The following PIK3AP1 variants were observed in gnomAD, a reference collection of about 807,000 sequenced individuals.
PIK3AP1 encodes phosphoinositide-3-kinase adaptor protein 1, also known as phosphoinositide 3-kinase adapter protein 1.
PIK3AP1 carries 21 observed loss-of-function variants against 88.1 expected under a neutral mutation model. The observed-to-expected ratio is 0.24, with a 90% CI of 0.17 to 0.34. The LOEUF (loss-of-function observed/expected upper bound fraction) is 0.34. Ranked by LOEUF, PIK3AP1 falls within the 10% of genes least tolerant of loss-of-function variation. PIK3AP1 has a pLI of 1.00. For missense variants in PIK3AP1, 828 were observed against 1,035.7 expected, an observed-to-expected ratio of 0.80 and a Z score of 2.75; for synonymous variants, 398 against 400.0, an observed-to-expected ratio of 1.00 and a Z score of 0.06.
intron 14 of PIK3AP1, among the ~76,000 whole-genome samples, chr10:96,607,522 A>T (rs762972279): frequency 6.6e-6 from 1 of 151,996 alleles, no homozygotes; most frequent in Non-Finnish European, 1.5e-5. Flanking sequence ...CCCGCCCAGG[A>T]TCCACACCTT....
chr10:96,705,888 T>TG (rs1564990275), intron 2 of PIK3AP1, among the ~76,000 whole-genome samples: 15 of 125,052 alleles, frequency 1.2e-4, no homozygotes, highest in African/African-American at 4.8e-4. Flanking sequence ...CCAGTTGTTT[T>TG]TTTTTTTTTT....
At chr10:96,712,901 T>C (rs1292350612) in intron 1 of PIK3AP1, among the ~76,000 whole-genome samples, 1 of 152,230 alleles carries the variant, frequency 6.6e-6, no homozygotes, top group African/African-American at 2.4e-5. Flanking sequence ...GTCAACAATT[T>C]GTGCAATAAG....
intron 1 of PIK3AP1, among the ~76,000 whole-genome samples, chr10:96,718,688 A>G (rs987736236): frequency 6.6e-6 from 1 of 152,270 alleles, no homozygotes; most frequent in African/African-American, 2.4e-5. Context: ...AGAGGTACAC[A>G]GGACGCTGGA....
chr10:96,651,738 A>G (rs1222239117), intron 4 of PIK3AP1, 87 bp from the exon 5 acceptor site: 2 of 1,441,774 alleles, frequency 1.4e-6, no homozygotes, highest in East Asian at 2.4e-5. Context: ...ACTCCATCTG[A>G]GTGGTGAGGA....
chr10:96,649,295 C>T lies in PIK3AP1; in HGVS notation c.989-440G>A, dbSNP rs544099016. ...CTGACCTCAAGTGATCCACCTGCCT[C>T]GGCCTCCCAAAGTGCTGGGATTACA... On this transcript the variant is annotated intron_variant, in intron 6 of 16. Coordinates refer to ENST00000339364, the MANE Select transcript of PIK3AP1 (RefSeq NM_152309.3). 1.1e-3 allele frequency among the ~76,000 whole-genome samples: 175 copies of T among 152,246 alleles called. 3 individuals carry two copies. The highest frequency in any genetic ancestry group is 7.9e-3 in the South Asian group (38 of 4,826).
At chr10:96,637,583 C>G (rs1455340115) in intron 8 of PIK3AP1, among the ~76,000 whole-genome samples, 1 of 152,082 alleles carries the variant, frequency 6.6e-6, no homozygotes, top group East Asian at 1.9e-4. Context: ...CTACTATACT[C>G]AAGCGATCTG....
intron 3 of PIK3AP1, among the ~76,000 whole-genome samples, chr10:96,653,881 A>G (rs1843578491): frequency 6.6e-6 from 1 of 152,266 alleles, no homozygotes; most frequent in African/African-American, 2.4e-5. Context: ...ACATCTTTTT[A>G]GAAGTCCTTC....
rs184832941 is a variant in PIK3AP1, at chr10:96,649,743, G to C, written c.989-888C>G. On this transcript the variant is annotated intron_variant, in intron 6 of 16. Transcript: ENST00000339364. ...TATTCAGCAGGGTTCCTATTTAGGA[G>C]AGATTTTGAATGTTGGTCTTAATGC... Among the ~76,000 whole-genome samples the C allele has an allele frequency of 4.7e-3, 710 of 152,320 alleles. 4 individuals are homozygous for C. Among genetic ancestry groups the C allele is most frequent in the Non-Finnish European group, 6.9e-3 (467 of 68,030 alleles).
At chr10:96,659,700 C>CAAAAAAAAAA (rs1198781319) in intron 2 of PIK3AP1, among the ~76,000 whole-genome samples, 2 of 100,952 alleles carry the variant, frequency 2.0e-5, no homozygotes, top group African/African-American at 7.4e-5. Context: ...CTGTCTCTAC[C>CAAAAAAAAAA]AAAAAAAAAA....
chr10:96,601,473 C>CAAAAAAAAAAAAAAAAAAAAA (rs11407501), intron 16 of PIK3AP1, among the ~76,000 whole-genome samples: 1 of 75,480 alleles, frequency 1.3e-5, no homozygotes. Flanking sequence ...GAATCTATCT[C>CAAAAAAAAAAAAAAAAAAAAA]AAAAAAAAAA....
At chr10:96,687,525 C>A (rs1408332077) in intron 2 of PIK3AP1, among the ~76,000 whole-genome samples, 1 of 152,182 alleles carries the variant, frequency 6.6e-6, no homozygotes, top group Non-Finnish European at 1.5e-5. Context: ...AACCCTCCTC[C>A]AAAATTAGCT....
chr10:96,649,298 C>A (rs1843505375), intron 6 of PIK3AP1, among the ~76,000 whole-genome samples: 1 of 152,176 alleles, frequency 6.6e-6, no homozygotes, highest in Admixed American at 6.5e-5. Flanking sequence ...CCTGCCTCGG[C>A]CTCCCAAAGT....
At chr10:96,637,419 A>G (rs1843327541) in intron 8 of PIK3AP1, among the ~76,000 whole-genome samples, 1 of 151,724 alleles carries the variant, frequency 6.6e-6, no homozygotes, top group Non-Finnish European at 1.5e-5. Flanking sequence ...GCTGGAGTGC[A>G]GTGGTGCAAT....
intron 2 of PIK3AP1, among the ~76,000 whole-genome samples, chr10:96,663,627 C>CAAAAA (rs373081849): frequency 2.3e-5 from 1 of 42,984 alleles, no homozygotes; most frequent in African/African-American, 8.5e-5. Context: ...GAGACTCCGT[C>CAAAAA]AAAAAAAAAA....
In PIK3AP1 at chr10:96,710,213, ATTAT is replaced by A. The variant is rs10636821; in HGVS notation, c.14-234_14-231del. ...TTGCCCAAACATACCACGCTGTTTT[ATTAT>A]TTATTTATTTATTTATTTATTTAGA... On this transcript the variant is annotated intron_variant, in intron 1 of 16. Transcript: ENST00000339364. Among the ~76,000 whole-genome samples, 893 of 149,944 alleles carry A rather than the reference ATTAT, an allele frequency of 6.0e-3. 6 individuals carry two copies. The highest frequency in any genetic ancestry group is 0.01 in the Middle Eastern group (3 of 294).
chr10:96,638,215 T>A (rs1312700409), intron 8 of PIK3AP1, among the ~76,000 whole-genome samples: 2 of 152,036 alleles, frequency 1.3e-5, no homozygotes, highest in Non-Finnish European at 2.9e-5. Context: ...ATCGTGAGAG[T>A]GGGTTTGTTA....
At chr10:96,629,714 C>CAA (rs33921990) in intron 8 of PIK3AP1, among the ~76,000 whole-genome samples, 62,143 of 71,686 alleles carry the variant, frequency 0.87, 27,577 homozygotes, top group East Asian at 0.96. Flanking sequence ...CCCATCTCTA[C>CAA]AAAAAAAAAA....
chr10:96,610,798 AG>A (rs957580850), intron 13 of PIK3AP1, among the ~76,000 whole-genome samples: 18 of 152,340 alleles, frequency 1.2e-4, no homozygotes, highest in African/African-American at 4.1e-4. Flanking sequence ...GTAGAAAAAA[AG>A]TCTGGGGGCA....
At chr10:96,618,149 T>C (rs1391373920) in intron 12 of PIK3AP1, among the ~76,000 whole-genome samples, 2 of 152,148 alleles carry the variant, frequency 1.3e-5, no homozygotes, top group African/African-American at 2.4e-5. Context: ...GTATTAAATA[T>C]AAACCCGTCG....
Sources: gnomAD v4.1 joint callset for allele counts (sites outside exome capture counted in the v4.1 genomes callset) on GRCh38, gnomAD v4.1.1 for gene constraint, MANE v1.5 for transcripts, NCBI Gene and HGNC (gene_info 2026-07-23, HGNC 2026-07-21) for gene names.